The following ADAP2 variants were observed in gnomAD, a reference collection of about 807,000 sequenced individuals.
ADAP2 encodes ArfGAP with dual PH domains 2.
In ADAP2, 42 loss-of-function variants were observed where a neutral mutation model predicts 54.9. The ratio of observed to expected loss-of-function variants is 0.77; its 90% CI spans 0.60 to 0.99. The LOEUF (loss-of-function observed/expected upper bound fraction) is 0.99, where lower values mean the gene tolerates loss of function less well. Ranked by LOEUF, ADAP2 falls within the 50% of genes least tolerant of loss-of-function variation. ADAP2 has a pLI of 0.00. For missense variants in ADAP2, 429 were observed against 480.4 expected, an observed-to-expected ratio of 0.89 and a Z score of 1.00; for synonymous variants, 177 against 180.1, an observed-to-expected ratio of 0.98 and a Z score of 0.14.
At chr17:30,924,364 C>G (rs1910870720) in intron 2 of ADAP2, among the ~76,000 whole-genome samples, 1 of 149,990 alleles carries the variant, frequency 6.7e-6, no homozygotes, top group Non-Finnish European at 1.5e-5. Context: ...GAGTGAGACC[C>G]TACCTCAAAA....
chr17:30,945,643 C>G (rs1246995385), intron 6 of ADAP2, among the ~76,000 whole-genome samples: 1 of 151,982 alleles, frequency 6.6e-6, no homozygotes, highest in Non-Finnish European at 1.5e-5. Context: ...GTAGTCCCAA[C>G]TACTTGGGAG....
At chr17:30,947,072 C>A (rs1040090135) in intron 6 of ADAP2, among the ~76,000 whole-genome samples, 1 of 152,180 alleles carries the variant, frequency 6.6e-6, no homozygotes, top group Non-Finnish European at 1.5e-5. Flanking sequence ...GATGCCCCAG[C>A]CTGTCTGTTA....
At chr17:30,934,699 C>T (rs1911746051) in intron 5 of ADAP2, among the ~76,000 whole-genome samples, 1 of 152,096 alleles carries the variant, frequency 6.6e-6, no homozygotes, top group Non-Finnish European at 1.5e-5. Context: ...ATCAAAACAT[C>T]AATATATAAT....
intron 7 of ADAP2, 130 bp downstream of exon 7, chr17:30,949,500 G>A: frequency 1.3e-6 from 1 of 757,650 alleles, no homozygotes; most frequent in Admixed American, 2.2e-5. Flanking sequence ...TGTAATCCCA[G>A]CACTTTGGGA....
chr17:30,946,584 A>G (rs1268160996), intron 6 of ADAP2, among the ~76,000 whole-genome samples: 1 of 152,114 alleles, frequency 6.6e-6, no homozygotes, highest in Non-Finnish European at 1.5e-5. Context: ...ATATAACAGA[A>G]TAAGCTGGGT....
chr17:30,937,177 C>G (rs1451916667), intron 5 of ADAP2, among the ~76,000 whole-genome samples: 3 of 151,824 alleles, frequency 2.0e-5, no homozygotes, highest in Non-Finnish European at 2.9e-5. Context: ...ACCCACCTCA[C>G]CCTCCCAAAG....
chr17:30,945,129 C>A, intron 6 of ADAP2, 76 bp downstream of exon 6: 1 of 1,528,776 alleles, frequency 6.5e-7, no homozygotes, highest in African/African-American at 1.4e-5. Flanking sequence ...ACCACCTCCC[C>A]TGCTCACTGG....
At chr17:30,939,532 G>A (rs1912109266) in intron 5 of ADAP2, among the ~76,000 whole-genome samples, 2 of 151,886 alleles carry the variant, frequency 1.3e-5, no homozygotes, top group Admixed American at 6.6e-5. Context: ...AGCACTTTGG[G>A]AGGCCGAGGC....
Position 30,953,342 on chromosome 17 carries a change from G to C in ADAP2, c.796G>C (p.Gly266Arg). The stretch of plus-strand genomic sequence containing the variant: ...CAAACAAGGCTTCATGGAAAAGACT[G>C]GGCCAAAGGTACCTTCTATCACTCC... ...YLKQGFMEKTGPKQKEPFKKR... is the reference protein window; with the variant it reads ...YLKQGFMEKTRPKQKEPFKKR... The change falls in exon 8 of 11, where the codon GGG becomes CGG. Residue 266 changes from glycine (G) to arginine (R), a missense_variant. Coordinates refer to ENST00000330889, the MANE Select transcript of ADAP2 (RefSeq NM_018404.3). 6.2e-7 allele frequency: 1 copy of C among 1,613,868 alleles called. No individual in the cohort carries two copies. The highest frequency in any genetic ancestry group is 8.5e-7 in the Non-Finnish European group (1 of 1,179,934).
chr17:30,934,231 G>T lies in ADAP2; in HGVS notation c.444G>T (p.Gln148His). Reference protein sequence around the residue: ...FLWKRGRDNSQFLRRKFVLLA... With the variant: ...FLWKRGRDNSHFLRRKFVLLA... ...GGAAGCGAGGAAGGGACAACTCACA[G>T]TTTCTGAGAAGGAAGTTTGTACTTC... Residue 148 changes from glutamine (Q) to histidine (H), a missense_variant, in exon 5 of 11, where the codon CAG (glutamine) becomes CAT (histidine). Transcript: ENST00000330889. 6.2e-7 allele frequency: 1 copy of T among 1,614,190 alleles called. No individual in the cohort carries two copies. The highest frequency in any genetic ancestry group is 8.5e-7 in the Non-Finnish European group (1 of 1,180,026).
intron 5 of ADAP2, among the ~76,000 whole-genome samples, chr17:30,944,458 G>A (rs988216317): frequency 2.0e-5 from 3 of 152,006 alleles, no homozygotes; most frequent in Non-Finnish European, 2.9e-5. Flanking sequence ...CCAACATAGC[G>A]AAACTCTGTC....
At position 30,934,295 on chromosome 17, in the gene ADAP2, C is replaced by T. The variant is rs781698787; in HGVS notation, c.508C>T (p.Gln170Ter). Residue 170 changes from glutamine (Q) to a stop codon, truncating the protein, a stop_gained and splice_region_variant, in exon 5 of 11, where the codon CAG becomes TAG. Coordinates refer to ENST00000330889, the MANE Select transcript of ADAP2 (RefSeq NM_018404.3). LOFTEE classifies it high-confidence loss of function. ...EGLLKYFTKEQGKSPKAVISI... is the reference protein window; with the variant it reads ...EGLLKYFTKE ...CCTCCTGAAGTACTTCACAAAGGAA[C>T]AGGTAAGATGCCAGACCAATGAGAG... 3 of 1,609,294 alleles carry T rather than the reference C, an allele frequency of 1.9e-6. No individual in the cohort carries two copies. The highest frequency in any genetic ancestry group is 2.6e-6 in the Non-Finnish European group (3 of 1,175,944).
At chr17:30,928,351 C>G (rs1173395508) in intron 3 of ADAP2, among the ~76,000 whole-genome samples, 4 of 151,892 alleles carry the variant, frequency 2.6e-5, no homozygotes, top group Non-Finnish European at 5.9e-5. Context: ...AAAAAATTAG[C>G]TGGGCATGGT....
chr17:30,923,524 A>G (rs1018897203), intron 2 of ADAP2, among the ~76,000 whole-genome samples: 2 of 151,020 alleles, frequency 1.3e-5, no homozygotes, highest in Non-Finnish European at 3.0e-5. Context: ...TCAGCCTCCC[A>G]AAGTGCTGGG....
At chr17:30,936,026 T>G (rs1263002497) in intron 5 of ADAP2, among the ~76,000 whole-genome samples, 1 of 152,192 alleles carries the variant, frequency 6.6e-6, no homozygotes, top group East Asian at 1.9e-4. Context: ...AGTTAAAAAC[T>G]TTAAACACCT....
intron 6 of ADAP2, among the ~76,000 whole-genome samples, chr17:30,947,584 C>T (rs182050945): frequency 7.7e-4 from 117 of 152,290 alleles, no homozygotes; most frequent in African/African-American, 2.2e-3. Flanking sequence ...AATTCCTGAC[C>T]TCAGGTGATC....
intron 6 of ADAP2, among the ~76,000 whole-genome samples, chr17:30,945,957 T>C (rs1326925262): frequency 1.3e-5 from 2 of 150,344 alleles, no homozygotes; most frequent in African/African-American, 4.9e-5. Context: ...ATCGAGACCA[T>C]GCTGTCTAAC....
intron 5 of ADAP2, among the ~76,000 whole-genome samples, chr17:30,936,486 C>A (rs1567718644): frequency 6.6e-6 from 1 of 152,092 alleles, no homozygotes; most frequent in Non-Finnish European, 1.5e-5. Context: ...TTTATAATAG[C>A]CGTCTTCATG....
intron 2 of ADAP2, 141 bp downstream of exon 2, chr17:30,923,211 T>C (rs781322359): frequency 3.1e-6 from 3 of 965,796 alleles, no homozygotes; most frequent in African/African-American, 1.7e-5. Flanking sequence ...GCTTATAAGA[T>C]GGCAGCTTAG....
Sources: gnomAD v4.1 joint callset for allele counts (sites outside exome capture counted in the v4.1 genomes callset) on GRCh38, gnomAD v4.1.1 for gene constraint, MANE v1.5 for transcripts, NCBI Gene and HGNC (gene_info 2026-07-23, HGNC 2026-07-21) for gene names.